Variants in WWP1 observed in about 807,000 individuals in gnomAD.
The protein encoded by WWP1 is NEDD4-like E3 ubiquitin-protein ligase WWP1.
WWP1 carries 49 observed loss-of-function variants against 130.6 expected under a neutral mutation model. That is an observed-to-expected ratio of 0.38 (90% confidence interval 0.30 to 0.48). The LOEUF is 0.48. Among genes scored for constraint, WWP1 ranks in the 20% least tolerant of loss-of-function variants. The pLI, the probability that WWP1 is intolerant of heterozygous loss-of-function variation, is 0.99. For synonymous variants in WWP1, 332 were observed against 367.8 expected, an observed-to-expected ratio of 0.90 and a Z score of 1.11; for missense variants, 809 against 1,100.6, an observed-to-expected ratio of 0.74 and a Z score of 3.75.
intron 9 of WWP1, 121 bp from the exon 10 acceptor site, chr8:86,425,102 G>T (rs1345976632): frequency 2.6e-5 from 16 of 622,476 alleles, no homozygotes; most frequent in Non-Finnish European, 4.1e-5. Context: ...ATATAGCTGT[G>T]TGTGTGTATA....
At chr8:86,386,480 G>A (rs1189813177) in intron 5 of WWP1, among the ~76,000 whole-genome samples, 2 of 113,128 alleles carry the variant, frequency 1.8e-5, no homozygotes, top group Non-Finnish European at 3.4e-5. Flanking sequence ...TTTTGTGTGT[G>A]TGTTTGGGTG....
intron 8 of WWP1, among the ~76,000 whole-genome samples, chr8:86,405,934 G>A (rs1471265899): frequency 6.6e-6 from 1 of 152,150 alleles, no homozygotes. Flanking sequence ...AGGGGTTTAA[G>A]ACAAACGATA....
At chr8:86,447,110 T>TA (rs1326923156) in intron 18 of WWP1, among the ~76,000 whole-genome samples, 4 of 152,146 alleles carry the variant, frequency 2.6e-5, no homozygotes, top group African/African-American at 9.7e-5. Flanking sequence ...AGTGATGAAA[T>TA]ACAACTGTCG....
intron 16 of WWP1, 53 bp from the exon 17 acceptor site, chr8:86,438,532 G>A (rs922439453): frequency 1.5e-6 from 2 of 1,327,550 alleles, no homozygotes; most frequent in Non-Finnish European, 2.1e-6. Context: ...TGTTTTGAAA[G>A]GAACTTGTAC....
intron 1 of WWP1, among the ~76,000 whole-genome samples, chr8:86,360,074 A>G (rs989381161): frequency 6.6e-6 from 1 of 150,634 alleles, no homozygotes; most frequent in African/African-American, 2.4e-5. Context: ...AAAACAAAAA[A>G]AAAACACAAT....
chr8:86,402,005 ATT>A lies in WWP1; in HGVS notation c.540-6_540-5del. The A allele has an allele frequency of 6.5e-7, 1 of 1,531,816 alleles. No homozygotes were observed. 94.9% of individuals were successfully genotyped at this position (1,531,816 alleles called of 1,614,324 possible). A position where few individuals can be genotyped will look rare whatever the true frequency, so the allele number is the denominator to read the frequency against. On this transcript the variant is annotated splice_polypyrimidine_tract_variant and intron_variant, in intron 7 of 24. Transcript: ENST00000517970. ...TATACTTAAATGATTGAAATAAGGC[ATT>A]TTTTTTTCAAGGTTGGCTGTTGAAG...
chr8:86,383,966 C>A (rs541641194), intron 5 of WWP1, among the ~76,000 whole-genome samples: 1 of 152,118 alleles, frequency 6.6e-6, no homozygotes, highest in African/African-American at 2.4e-5. Context: ...TTGATTTTCT[C>A]ACATATCCAG....
chr8:86,350,126 C>G (rs1280710131), intron 1 of WWP1, among the ~76,000 whole-genome samples: 1 of 152,084 alleles, frequency 6.6e-6, no homozygotes, highest in Non-Finnish European at 1.5e-5. Context: ...AATGGTAATC[C>G]TCTCTTATGG....
chr8:86,361,964 G>C (rs1823627294), intron 1 of WWP1, among the ~76,000 whole-genome samples: 1 of 53,660 alleles, frequency 1.9e-5, no homozygotes, highest in African/African-American at 3.7e-5. Context: ...AATATGCCTA[G>C]TGTGTGTGTG....
intron 1 of WWP1, among the ~76,000 whole-genome samples, chr8:86,362,009 TATATATATACAC>T (rs1333449482): frequency 2.3e-5 from 3 of 127,700 alleles, no homozygotes; most frequent in Non-Finnish European, 5.2e-5. Flanking sequence ...TATACACACA[TATATATATACAC>T]ATATATATAC....
At chr8:86,434,149 T>A (rs562370796) in intron 14 of WWP1, among the ~76,000 whole-genome samples, 1 of 152,268 alleles carries the variant, frequency 6.6e-6, no homozygotes, top group African/African-American at 2.4e-5. Context: ...GTTGTTACTC[T>A]CCATACAGCA....
intron 9 of WWP1, among the ~76,000 whole-genome samples, chr8:86,423,317 G>C (rs1563518124): frequency 6.6e-6 from 1 of 152,092 alleles, no homozygotes; most frequent in Non-Finnish European, 1.5e-5. Flanking sequence ...GGGAAGGTCA[G>C]CAGATAAACA....
intron 1 of WWP1, among the ~76,000 whole-genome samples, chr8:86,362,017 TAC>T (rs1418107596): frequency 2.1e-5 from 3 of 139,678 alleles, no homozygotes; most frequent in Admixed American, 7.2e-5. Flanking sequence ...CATATATATA[TAC>T]ACATATATAT....
At chr8:86,347,246 A>G (rs1031615017) in intron 1 of WWP1, among the ~76,000 whole-genome samples, 5 of 152,288 alleles carry the variant, frequency 3.3e-5, no homozygotes, top group African/African-American at 9.6e-5. Flanking sequence ...ATGGCCTTCC[A>G]AAGTGCTGGA....
intron 1 of WWP1, among the ~76,000 whole-genome samples, chr8:86,353,152 GA>G (rs1823043654): frequency 1.3e-5 from 2 of 152,162 alleles, no homozygotes; most frequent in South Asian, 2.1e-4. Context: ...TAAGGGCGTT[GA>G]CTTGGAAAGT....
rs767432291 is a variant in WWP1, at chr8:86,442,709, A to T, written c.1929A>T (p.Ile643=). 1.5e-5 allele frequency: 24 copies of T among 1,612,860 alleles called. No homozygotes were observed. Among genetic ancestry groups the T allele is most frequent in the Non-Finnish European group, 1.9e-5 (23 of 1,179,544 alleles). ...GCAAGAACAACTATTGTCTGCAGATAAATCCAGCATCAACCATTAATCCAG... is the reference window on the plus strand; with the variant it reads ...GCAAGAACAACTATTGTCTGCAGATTAATCCAGCATCAACCATTAATCCAG... ...YAGKNNYCLQ[I]NPASTINPDH... is the part of the protein sequence containing the mutation. Residue 643 remains isoleucine, a synonymous_variant, in exon 18 of 25, where the codon ATA becomes ATT. Transcript: ENST00000517970.
rs751818013 is a variant in WWP1, at chr8:86,381,649, C to T, written c.334+20C>T. The T allele has an allele frequency of 2.6e-6, 4 of 1,560,202 alleles. No individual in the cohort carries two copies. The highest frequency in any genetic ancestry group is 2.3e-5 in the East Asian group (1 of 42,846). On this transcript the variant is annotated intron_variant, in intron 5 of 24. Transcript: ENST00000517970. ...GAAAATGTAAGTTTTTTGTTCTGAC[C>T]TTTATTTCCTTATAAGTTTATTTTA... is the stretch of plus-strand genomic sequence containing the variant.
At chr8:86,436,269 A>G (rs772417575) in intron 16 of WWP1, among the ~76,000 whole-genome samples, 4 of 152,236 alleles carry the variant, frequency 2.6e-5, no homozygotes, top group Non-Finnish European at 5.9e-5. Context: ...TTGGCTAAGA[A>G]TTTATTACCT....
intron 8 of WWP1, among the ~76,000 whole-genome samples, chr8:86,406,884 G>A (rs1586375468): frequency 6.6e-6 from 1 of 152,240 alleles, no homozygotes; most frequent in East Asian, 1.9e-4. Context: ...GAGTAAAAAT[G>A]GTATTCACTC....
Sources: gnomAD v4.1 joint callset for allele counts (sites outside exome capture counted in the v4.1 genomes callset) on GRCh38, gnomAD v4.1.1 for gene constraint, MANE v1.5 for transcripts, NCBI Gene and HGNC (gene_info 2026-07-23, HGNC 2026-07-21) for gene names.